The following AGBL4 variants were observed in gnomAD, a reference collection of about 807,000 sequenced individuals.
AGBL4 encodes cytosolic carboxypeptidase 6.
AGBL4 carries 58 observed loss-of-function variants against 66.4 expected under a neutral mutation model. The ratio of observed to expected loss-of-function variants is 0.87; its 90% CI spans 0.71 to 1.09. AGBL4 has a LOEUF of 1.09. Among genes scored for constraint, AGBL4 ranks in the 50% least tolerant of loss-of-function variants. The pLI, the probability that AGBL4 is intolerant of heterozygous loss-of-function variation, is 0.00. For missense variants in AGBL4, 579 were observed against 631.0 expected (o/e 0.92, Z 0.88); for synonymous variants, 234 against 222.9 (o/e 1.05, Z -0.44).
chr1:49,858,730 A>C (rs1269668522), intron 1 of AGBL4, among the ~76,000 whole-genome samples: 1 of 152,100 alleles, frequency 6.6e-6, no homozygotes, highest in African/African-American at 2.4e-5. Flanking sequence ...AAAATGCATG[A>C]AAAAGGCCAG....
chr1:49,625,883 T>A (rs1645454813), intron 3 of AGBL4, among the ~76,000 whole-genome samples: 1 of 152,098 alleles, frequency 6.6e-6, no homozygotes, highest in African/African-American at 2.4e-5. Context: ...GTAGAGGTAT[T>A]TATAAGAAAC....
intron 1 of AGBL4, among the ~76,000 whole-genome samples, chr1:50,002,965 C>G (rs895216499): frequency 3.3e-5 from 5 of 152,008 alleles, no homozygotes; most frequent in Non-Finnish European, 7.4e-5. Flanking sequence ...AGAAGTTAAT[C>G]AAAGTTAAAA....
intron 2 of AGBL4, among the ~76,000 whole-genome samples, chr1:49,812,367 T>C (rs184389342): frequency 7.4e-4 from 112 of 152,266 alleles, no homozygotes; most frequent in Non-Finnish European, 9.9e-4. Flanking sequence ...ACCTACATTC[T>C]AGGGCTGTTA....
intron 3 of AGBL4, among the ~76,000 whole-genome samples, chr1:49,643,293 T>G (rs899107228): frequency 6.0e-5 from 9 of 150,638 alleles, no homozygotes; most frequent in African/African-American, 1.5e-4. Context: ...CTCAGAGTAA[T>G]AGAGGGGAAA....
At chr1:49,268,701 C>G (rs1236145497) in intron 3 of AGBL4, among the ~76,000 whole-genome samples, 2 of 152,100 alleles carry the variant, frequency 1.3e-5, no homozygotes, top group Non-Finnish European at 2.9e-5. Flanking sequence ...GTATATACTT[C>G]TATTGGCTTT....
chr1:49,681,920 G>A lies in AGBL4; in HGVS notation c.282+15393C>T, dbSNP rs1192856271. Among the ~76,000 whole-genome samples, 3 of 152,128 alleles carry A rather than the reference G, an allele frequency of 2.0e-5. No individual in the cohort carries two copies. In the East Asian group the frequency reaches 5.8e-4, roughly 29 times the overall value. On this transcript the variant is annotated intron_variant, in intron 3 of 13. Coordinates refer to ENST00000371839, the MANE Select transcript of AGBL4 (RefSeq NM_032785.4). ...TTTCTCTACAATTTTCTGGAAATAT[G>A]TGATGGTGAAAAGATTGTGCCTACC...
chr1:50,021,587 C>G (rs1226694117), intron 1 of AGBL4, among the ~76,000 whole-genome samples: 5 of 152,090 alleles, frequency 3.3e-5, no homozygotes, highest in Non-Finnish European at 5.9e-5. Flanking sequence ...ACTTCCTTCT[C>G]CATCATCCTC....
intron 3 of AGBL4, among the ~76,000 whole-genome samples, chr1:49,373,450 G>T (rs1257018430): frequency 6.6e-6 from 1 of 151,910 alleles, no homozygotes; most frequent in African/African-American, 2.4e-5. Context: ...AAAGAGCAGA[G>T]GACTCACTAA....
chr1:49,959,597 T>C (rs909602406), intron 1 of AGBL4, among the ~76,000 whole-genome samples: 1 of 152,074 alleles, frequency 6.6e-6, no homozygotes, highest in African/African-American at 2.4e-5. Context: ...AGGACATTCA[T>C]GCAGCCAACA....
At chr1:48,683,980 C>T (rs1570244742) in intron 6 of AGBL4, among the ~76,000 whole-genome samples, 1 of 152,192 alleles carries the variant, frequency 6.6e-6, no homozygotes, top group East Asian at 1.9e-4. Context: ...CTAAAAATGT[C>T]CTGGAAAATG....
intron 11 of AGBL4, among the ~76,000 whole-genome samples, chr1:48,543,081 G>A (rs1644100392): frequency 6.6e-6 from 1 of 152,140 alleles, no homozygotes; most frequent in African/African-American, 2.4e-5. Context: ...GGCTGCATGT[G>A]TTTATCGACC....
chr1:49,254,863 T>C (rs1442682650), intron 3 of AGBL4, among the ~76,000 whole-genome samples: 1 of 151,986 alleles, frequency 6.6e-6, no homozygotes, highest in Non-Finnish European at 1.5e-5. Flanking sequence ...CAAAGCTGCA[T>C]ACCTAAAACT....
intron 3 of AGBL4, among the ~76,000 whole-genome samples, chr1:49,547,352 A>G (rs1652573769): frequency 6.6e-6 from 1 of 152,138 alleles, no homozygotes; most frequent in South Asian, 2.1e-4. Flanking sequence ...ATTCTGTTCC[A>G]TTGGCCTATG....
intron 6 of AGBL4, among the ~76,000 whole-genome samples, chr1:48,738,645 A>T (rs895887473): frequency 6.6e-6 from 1 of 152,220 alleles, no homozygotes; most frequent in Non-Finnish European, 1.5e-5. Flanking sequence ...TGAATCAGAA[A>T]ATCATAGAGA....
intron 1 of AGBL4, among the ~76,000 whole-genome samples, chr1:49,947,595 T>C (rs888980239): frequency 6.6e-6 from 1 of 151,668 alleles, no homozygotes; most frequent in Non-Finnish European, 1.5e-5. Flanking sequence ...TTATACTGAA[T>C]TGGGAAAAGT....
intron 6 of AGBL4, among the ~76,000 whole-genome samples, chr1:48,774,834 G>C (rs569628595): frequency 6.6e-6 from 1 of 152,294 alleles, no homozygotes; most frequent in Admixed American, 6.5e-5. Flanking sequence ...GTAGATGAAT[G>C]AAACAATCTC....
intron 5 of AGBL4, among the ~76,000 whole-genome samples, chr1:48,996,974 G>C (rs1461647693): frequency 6.6e-6 from 1 of 152,150 alleles, no homozygotes; most frequent in East Asian, 1.9e-4. Context: ...ACAGCCTGGA[G>C]TGCAATGGTG....
chr1:48,965,454 C>A (rs142578230), intron 5 of AGBL4, among the ~76,000 whole-genome samples: 1 of 152,066 alleles, frequency 6.6e-6, no homozygotes, highest in Admixed American at 6.6e-5. Context: ...ATTTGAATAA[C>A]GGTGATTTGT....
At chr1:49,520,070 C>T (rs1441611155) in intron 3 of AGBL4, among the ~76,000 whole-genome samples, 1 of 152,018 alleles carries the variant, frequency 6.6e-6, no homozygotes, top group Non-Finnish European at 1.5e-5. Context: ...ATCTACTACT[C>T]CCTTGGCAAT....
Sources: allele counts gnomAD v4.1 joint callset (sites outside exome capture counted in the v4.1 genomes callset), GRCh38; gene constraint gnomAD v4.1.1; transcripts MANE v1.5; gene names NCBI Gene and HGNC (gene_info 2026-07-23, HGNC 2026-07-21).